MAP4K3: variants seen among roughly 807,000 people sequenced by gnomAD.
The protein encoded by MAP4K3 is mitogen-activated protein kinase kinase kinase kinase 3.
A neutral mutation model predicts 143.5 loss-of-function variants in MAP4K3; 94 were observed. That is an observed-to-expected ratio of 0.65 (90% CI 0.55 to 0.78). The LOEUF (loss-of-function observed/expected upper bound fraction) is 0.78, where lower values mean the gene tolerates loss of function less well. MAP4K3 is among the 30% of genes least tolerant of loss of function. The probability of loss-of-function intolerance (pLI) is 0.00; values close to 1 mark genes in which losing one functional copy is unlikely to be tolerated. For missense variants in MAP4K3, 1,077 were observed against 1,068.1 expected (o/e 1.01, Z -0.12); for synonymous variants, 416 against 347.2 (o/e 1.20, Z -2.20).
intron 27 of MAP4K3, among the ~76,000 whole-genome samples, chr2:39,266,865 ACGTAACAG>A (rs1680787164): frequency 1.3e-5 from 2 of 151,678 alleles, no homozygotes; most frequent in African/African-American, 4.8e-5. Flanking sequence ...GGTGAATGGT[ACGTAACAG>A]GACCCTTGGA....
chr2:39,409,414 T>C (rs1032444331), intron 1 of MAP4K3, among the ~76,000 whole-genome samples: 1 of 152,190 alleles, frequency 6.6e-6, no homozygotes, highest in African/African-American at 2.4e-5. Flanking sequence ...TCCACTCTAA[T>C]ATTGCTGAAC....
chr2:39,305,895 T>A lies in MAP4K3; in HGVS notation c.1119+2048A>T, dbSNP rs1269988711. On this transcript the variant is annotated intron_variant, in intron 15 of 33. Coordinates refer to ENST00000263881, the MANE Select transcript of MAP4K3 (RefSeq NM_003618.4). The stretch of plus-strand genomic sequence containing the variant: ...GCCAGGCTGGAGTGCAATGGCACAA[T>A]CTTGGCTCACTGCAACCTCCGCCTC... Among the ~76,000 whole-genome samples the A allele has an allele frequency of 2.6e-5, 4 of 151,986 alleles. No homozygotes were observed. In the East Asian group the frequency reaches 7.7e-4, roughly 29 times the overall value.
intron 3 of MAP4K3, among the ~76,000 whole-genome samples, chr2:39,355,645 G>T (rs1242320954): frequency 6.6e-6 from 1 of 152,166 alleles, no homozygotes; most frequent in Non-Finnish European, 1.5e-5. Flanking sequence ...GCATGTAGAA[G>T]TGAATGGAAA....
intron 1 of MAP4K3, chr2:39,379,737 T>C (rs1021459203): frequency 2.4e-5 from 4 of 168,710 alleles, no homozygotes; most frequent in Non-Finnish European, 4.4e-5. Flanking sequence ...AATCATGCTA[T>C]GGTTTTTTAC....
At chr2:39,313,551 G>A (rs1248815724) in intron 13 of MAP4K3, among the ~76,000 whole-genome samples, 1 of 147,554 alleles carries the variant, frequency 6.8e-6, no homozygotes, top group Non-Finnish European at 1.5e-5. Context: ...AGACACTGTC[G>A]CCAAGGCTGC....
At chr2:39,313,201 G>A (rs1424935880) in intron 13 of MAP4K3, among the ~76,000 whole-genome samples, 1 of 152,124 alleles carries the variant, frequency 6.6e-6, no homozygotes, top group Non-Finnish European at 1.5e-5. Context: ...TGTTTATGAT[G>A]CTCTTTTTTA....
intron 16 of MAP4K3, among the ~76,000 whole-genome samples, chr2:39,298,715 G>C (rs1436962056): frequency 6.6e-6 from 1 of 152,048 alleles, no homozygotes; most frequent in Non-Finnish European, 1.5e-5. Context: ...TGTAATCTTA[G>C]CACCTTCTGG....
At chr2:39,407,861 C>G (rs1171841747) in intron 1 of MAP4K3, among the ~76,000 whole-genome samples, 2 of 152,286 alleles carry the variant, frequency 1.3e-5, no homozygotes, top group East Asian at 3.9e-4. Flanking sequence ...CAGGTGTAGG[C>G]CACTGTGTCT....
chr2:39,311,511 G>A (rs746158978), intron 13 of MAP4K3, among the ~76,000 whole-genome samples: 10 of 152,180 alleles, frequency 6.6e-5, no homozygotes, highest in Admixed American at 2.0e-4. Context: ...TTGGATCAGC[G>A]TTGGCTGATG....
At chr2:39,366,452 G>A (rs1289491543) in intron 2 of MAP4K3, among the ~76,000 whole-genome samples, 1 of 152,216 alleles carries the variant, frequency 6.6e-6, no homozygotes, top group African/African-American at 2.4e-5. Context: ...CTCTTCAGAC[G>A]TAAATGTTTC....
At chr2:39,287,719 T>C (rs1681858302) in intron 20 of MAP4K3, among the ~76,000 whole-genome samples, 1 of 152,186 alleles carries the variant, frequency 6.6e-6, no homozygotes, top group African/African-American at 2.4e-5. Context: ...TAATACCAAT[T>C]ATTTTTTTAG....
At chr2:39,430,984 T>C (rs571159824) in intron 1 of MAP4K3, among the ~76,000 whole-genome samples, 1 of 152,294 alleles carries the variant, frequency 6.6e-6, no homozygotes, top group East Asian at 1.9e-4. Context: ...ATTCATTCCA[T>C]AAATATTTAT....
chr2:39,325,718 C>A lies in MAP4K3; in HGVS notation c.807+12G>T. The A allele has an allele frequency of 6.3e-7, 1 of 1,592,002 alleles. No homozygotes were observed. Among genetic ancestry groups the A allele is most frequent in the Admixed American group, 1.7e-5 (1 of 58,160 alleles). On this transcript the variant is annotated intron_variant, in intron 11 of 33. Transcript: ENST00000263881. ...TGAAATATATATATATATTTCAGGG[C>A]AAAAATAATACCTGTAATAATTTTT...
intron 18 of MAP4K3, among the ~76,000 whole-genome samples, chr2:39,290,546 T>C (rs1027213767): frequency 1.3e-5 from 2 of 151,772 alleles, no homozygotes; most frequent in African/African-American, 2.4e-5. Flanking sequence ...TTAAGTGAAA[T>C]AAGCCAAAAC....
intron 1 of MAP4K3, among the ~76,000 whole-genome samples, chr2:39,426,406 C>T (rs943638553): frequency 6.6e-6 from 1 of 151,978 alleles, no homozygotes; most frequent in African/African-American, 2.4e-5. Context: ...CCTGAAATTT[C>T]AATAAGGTCT....
intron 16 of MAP4K3, among the ~76,000 whole-genome samples, chr2:39,299,022 A>G (rs1682401665): frequency 6.6e-6 from 1 of 152,012 alleles, no homozygotes; most frequent in African/African-American, 2.4e-5. Flanking sequence ...TAATATATGC[A>G]CTGCTGGAAG....
At chr2:39,365,459 A>T (rs867082667) in intron 2 of MAP4K3, among the ~76,000 whole-genome samples, 122 of 103,792 alleles carry the variant, frequency 1.2e-3, no homozygotes, top group African/African-American at 4.5e-3. Context: ...TTTTTTTGAG[A>T]CGGAGTCTCG....
chr2:39,325,652 G>C, intron 11 of MAP4K3, 24 bp from the exon 12 acceptor site: 2 of 1,579,542 alleles, frequency 1.3e-6, no homozygotes, highest in South Asian at 2.2e-5. Context: ...ATACAATGCA[G>C]AACACTTACT....
chr2:39,330,207 AT>A (rs1469715101), intron 8 of MAP4K3, among the ~76,000 whole-genome samples: 1 of 152,204 alleles, frequency 6.6e-6, no homozygotes, highest in Non-Finnish European at 1.5e-5. Flanking sequence ...CAATAAAAAA[AT>A]ATTTTTTGAG....
Sources: allele counts gnomAD v4.1 joint callset (sites outside exome capture counted in the v4.1 genomes callset), GRCh38; gene constraint gnomAD v4.1.1; transcripts MANE v1.5; gene names NCBI Gene and HGNC (gene_info 2026-07-23, HGNC 2026-07-21).